Variants in DHCR7 observed in about 807,000 individuals in gnomAD.
The protein encoded by DHCR7 is 7-dehydrocholesterol reductase.
In DHCR7, 40 loss-of-function variants were observed where a neutral mutation model predicts 43.3. That is an observed-to-expected ratio of 0.92 (90% confidence interval 0.72 to 1.20). DHCR7 has a LOEUF of 1.20. DHCR7 is among the 50% of genes most tolerant of loss of function. The probability of loss-of-function intolerance (pLI) is 0.00; values close to 1 mark genes in which losing one functional copy is unlikely to be tolerated. For missense variants in DHCR7, 608 were observed against 644.6 expected (o/e 0.94, Z 0.62); for synonymous variants, 298 against 271.4 (o/e 1.10, Z -0.96).
Position 71,437,914 on chromosome 11 carries a change from GT to G in DHCR7, c.860del (p.Asn287ThrfsTer6). The part of the protein sequence containing the change: ...QAIYVIDFFW[N>X]ETWYLKTIDI... ...CAATGGTCTTCAGGTACCAGGTTTC[GT>G]TCCAGAAGAAGTCAATCACGTAGAT... On this transcript the variant is annotated frameshift_variant, in exon 8 of 9. Transcript: ENST00000355527. LOFTEE classifies it high-confidence loss of function. 6.2e-7 allele frequency: 1 copy of G among 1,613,776 alleles called. No individual in the cohort carries two copies. Among genetic ancestry groups the G allele is most frequent in the East Asian group, 2.2e-5 (1 of 44,878 alleles).
Position 71,442,305 on chromosome 11 carries a change from C to G in DHCR7, c.370G>C (p.Gly124Arg), listed in dbSNP as rs748879289. The G allele has an allele frequency of 2.5e-6, 4 of 1,613,760 alleles. No homozygotes were observed. Among genetic ancestry groups the G allele is most frequent in the African/African-American group, 2.7e-5 (2 of 74,858 alleles). The stretch of plus-strand genomic sequence containing the variant: ...CCCTCCTGGATGCCTCCTACGTAGC[C>G]GGGTAGAAACTTATGGCAGAAGTCA... ...LPDFCHKFLP[G>R]YVGGIQEGAV... Residue 124 changes from glycine (G) to arginine (R), a missense_variant, in exon 5 of 9, where the codon GGC (glycine) becomes CGC (arginine). Gly to Arg is a moderately radical substitution (Grantham distance 125, BLOSUM62 -2). Transcript: ENST00000355527.
At chr11:71,432,212 G>C (rs1193198477), downstream of DHCR7, among the ~76,000 whole-genome samples, 1 of 152,170 alleles carries the variant, frequency 6.6e-6, no homozygotes. Context: ...TAAATTTCTT[G>C]ACGTGAATGA....
intron 2 of DHCR7, among the ~76,000 whole-genome samples, chr11:71,429,017 A>G (rs750083415): frequency 6.6e-6 from 1 of 152,242 alleles, no homozygotes; most frequent in Non-Finnish European, 1.5e-5. Flanking sequence ...TGAGCCAACA[A>G]CAAGGAAACC....
chr11:71,440,123 G>C (rs1157869108), intron 6 of DHCR7, among the ~76,000 whole-genome samples: 2 of 152,138 alleles, frequency 1.3e-5, no homozygotes, highest in Non-Finnish European at 2.9e-5. Flanking sequence ...TTGAGCTGGG[G>C]TGCAGGGTGG....
Position 71,441,492 on chromosome 11 carries a change from A to T in DHCR7, c.413-52T>A, listed in dbSNP as rs373567405. The T allele has an allele frequency of 5.5e-6, 8 of 1,461,162 alleles. No individual in the cohort carries two copies. In the African/African-American group the frequency reaches 1.1e-4, roughly 20 times the overall value. 90.5% of individuals were successfully genotyped at this position (1,461,162 alleles called of 1,614,324 possible). Reference sequence around the variant, plus strand: ...GGCGCTTTCCCAACCCGCAGTGAGGAGCTTGGCTGGGCTGAAGCATGCCTG... The same window carrying T: ...GGCGCTTTCCCAACCCGCAGTGAGGTGCTTGGCTGGGCTGAAGCATGCCTG... On this transcript the variant is annotated intron_variant, in intron 5 of 8. Coordinates refer to ENST00000355527, the MANE Select transcript of DHCR7 (RefSeq NM_001360.3).
At chr11:71,430,090 C>A (rs1949221111), downstream of DHCR7, among the ~76,000 whole-genome samples, 1 of 152,196 alleles carries the variant, frequency 6.6e-6, no homozygotes, top group Non-Finnish European at 1.5e-5. Context: ...AGGAGGCACT[C>A]AGGGAGAATA....
chr11:71,439,164 G>A, intron 6 of DHCR7, 81 bp from the exon 7 acceptor site: 1 of 1,399,168 alleles, frequency 7.1e-7, no homozygotes, highest in South Asian at 1.2e-5. Flanking sequence ...CGAGAGCCCA[G>A]CACTGGCCCA....
downstream of DHCR7, among the ~76,000 whole-genome samples, chr11:71,433,070 T>C (rs535506766): frequency 2.6e-5 from 4 of 152,246 alleles, no homozygotes; most frequent in South Asian, 8.3e-4. Context: ...TGTCCTGGGG[T>C]ACTGGATGCC....
intron 4 of DHCR7, among the ~76,000 whole-genome samples, chr11:71,442,952 ACT>A (rs1949364326): frequency 6.6e-6 from 1 of 152,102 alleles, no homozygotes; most frequent in South Asian, 2.1e-4. Flanking sequence ...ATCTCCGGTC[ACT>A]CTGAATTCCC....
downstream of DHCR7, among the ~76,000 whole-genome samples, chr11:71,431,699 C>A (rs1252475975): frequency 6.6e-6 from 1 of 152,164 alleles, no homozygotes; most frequent in Non-Finnish European, 1.5e-5. Context: ...AGAAGTGTTG[C>A]TGAAAAATAA....
At chr11:71,442,837 A>G (rs1949363209) in intron 4 of DHCR7, among the ~76,000 whole-genome samples, 1 of 152,164 alleles carries the variant, frequency 6.6e-6, no homozygotes, top group Admixed American at 6.5e-5. Context: ...TCACCCTTTT[A>G]AAGTGCACAA....
At chr11:71,442,176 AG>A in intron 5 of DHCR7, 86 bp downstream of exon 5, 1 of 1,021,436 alleles carries the variant, frequency 9.8e-7, no homozygotes, top group South Asian at 1.3e-5. Context: ...GACAAGTCTT[AG>A]GGACAAAGCA....
chr11:71,438,164 T>C (rs144287385), intron 7 of DHCR7, among the ~76,000 whole-genome samples: 26 of 152,216 alleles, frequency 1.7e-4, no homozygotes, highest in Non-Finnish European at 2.9e-4. Context: ...CCCGAGCCCA[T>C]GGCCCTGGCA....
At chr11:71,446,513 C>T (rs749777686) in intron 2 of DHCR7, among the ~76,000 whole-genome samples, 10 of 152,144 alleles carry the variant, frequency 6.6e-5, no homozygotes, top group Non-Finnish European at 1.3e-4. Context: ...AACAACAACA[C>T]AAAAGTAGCT....
At chr11:71,428,487 A>G (rs749485154) in exon 3 of DHCR7, 6 of 169,760 alleles carry the variant, frequency 3.5e-5, no homozygotes. Flanking sequence ...TTAAACAGTC[A>G]CCTCTTGATT....
intron 5 of DHCR7, among the ~76,000 whole-genome samples, chr11:71,441,778 C>A (rs1453027398): frequency 6.6e-6 from 1 of 152,196 alleles, no homozygotes; most frequent in Non-Finnish European, 1.5e-5. Flanking sequence ...CTGGCCCCCT[C>A]TGTAATTGTT....
At chr11:71,446,232 T>C (rs1189627379) in intron 2 of DHCR7, among the ~76,000 whole-genome samples, 2 of 60,884 alleles carry the variant, frequency 3.3e-5, no homozygotes, top group East Asian at 7.5e-4. Context: ...AAAAAATGAA[T>C]GAGAGATGCA....
chr11:71,428,619 G>A (rs1364556589), exon 3 of DHCR7: 1 of 327,144 alleles, frequency 3.1e-6, no homozygotes, highest in Admixed American at 4.6e-5. Context: ...CCTAACAGTG[G>A]GATGTGTGGG....
At chr11:71,431,525 G>A (rs944425520), downstream of DHCR7, among the ~76,000 whole-genome samples, 17 of 152,140 alleles carry the variant, frequency 1.1e-4, no homozygotes, top group African/African-American at 4.1e-4. Flanking sequence ...AAGCCCAGTC[G>A]GCCCTCGGTG....
Sources: allele counts gnomAD v4.1 joint callset (sites outside exome capture counted in the v4.1 genomes callset), GRCh38; gene constraint gnomAD v4.1.1; transcripts MANE v1.5; gene names NCBI Gene and HGNC (gene_info 2026-07-23, HGNC 2026-07-21).